The following CSMD1 variants were observed in gnomAD, a reference collection of about 807,000 sequenced individuals.
CSMD1 encodes CUB and sushi domain-containing protein 1.
A neutral mutation model predicts 417.5 loss-of-function variants in CSMD1; 213 were observed. The ratio of observed to expected loss-of-function variants is 0.51; its 90% confidence interval spans 0.46 to 0.57. The LOEUF (loss-of-function observed/expected upper bound fraction) is 0.57, where lower values mean the gene tolerates loss of function less well. CSMD1 is among the 20% of genes least tolerant of loss of function. The probability of loss-of-function intolerance (pLI) is 0.00; values close to 1 mark genes in which losing one functional copy is unlikely to be tolerated. For synonymous variants in CSMD1, 2,862 were observed against 1,736.8 expected, an observed-to-expected ratio of 1.65 and a Z score of -16.11; for missense variants, 6,923 against 4,529.7, an observed-to-expected ratio of 1.53 and a Z score of -15.17.
At position 4,168,151 on chromosome 8, in the gene CSMD1, ACAC is replaced by A. The variant is rs1300194520; in HGVS notation, c.416-136055_416-136053del. ...CTCAAAAATAAAAAAAAATATACACACACACACACACACACACACACACACATA... is the reference window on the plus strand; with the variant it reads ...CTCAAAAATAAAAAAAAATATACACAACACACACACACACACACACACATA... On this transcript the variant is annotated intron_variant, in intron 3 of 69. Coordinates refer to ENST00000635120, the MANE Select transcript of CSMD1 (RefSeq NM_033225.6). Among the ~76,000 whole-genome samples the A allele has an allele frequency of 3.5e-3, 10 of 2,842 alleles. No homozygotes were observed. The Non-Finnish European group carries it at 0.056, about 16-fold the overall frequency. 1.9% of individuals were successfully genotyped at this position (2,842 alleles called of 152,430 possible).
chr8:4,620,792 A>G (rs1585342809), intron 2 of CSMD1, among the ~76,000 whole-genome samples: 1 of 151,940 alleles, frequency 6.6e-6, no homozygotes, highest in East Asian at 1.9e-4. Context: ...TATTTATAAA[A>G]AAGAGAGAGC....
chr8:4,456,670 T>G (rs1799507447), intron 2 of CSMD1, among the ~76,000 whole-genome samples: 2 of 152,256 alleles, frequency 1.3e-5, no homozygotes, highest in South Asian at 2.1e-4. Context: ...ACCAATCATC[T>G]GATCTGATGG....
chr8:4,584,243 T>A (rs1799589296), intron 2 of CSMD1, among the ~76,000 whole-genome samples: 1 of 151,878 alleles, frequency 6.6e-6, no homozygotes, highest in Non-Finnish European at 1.5e-5. Flanking sequence ...CCGGACACAT[T>A]TTGGCGACCA....
At chr8:4,477,935 G>T (rs1481561169) in intron 2 of CSMD1, among the ~76,000 whole-genome samples, 1 of 152,212 alleles carries the variant, frequency 6.6e-6, no homozygotes, top group Non-Finnish European at 1.5e-5. Context: ...CCTGGCGCAT[G>T]ATAGCTATGC....
At chr8:3,045,232 T>C (rs1811357266) in intron 50 of CSMD1, among the ~76,000 whole-genome samples, 1 of 152,228 alleles carries the variant, frequency 6.6e-6, no homozygotes, top group Non-Finnish European at 1.5e-5. Context: ...ATATCATAGT[T>C]GGTATCAAAA....
chr8:3,654,316 T>C lies in CSMD1; in HGVS notation c.1010-37519A>G, dbSNP rs1326306073. The stretch of plus-strand genomic sequence containing the variant: ...AAATACAAAGATTTATAAAATTATG[T>C]AATAATTCATACTAGAGTTTGAAAA... On this transcript the variant is annotated intron_variant, in intron 7 of 69. Transcript: ENST00000635120. Among the ~76,000 whole-genome samples, 5 of 152,196 alleles carry C rather than the reference T, an allele frequency of 3.3e-5. No homozygotes were observed. In the East Asian group the frequency reaches 9.6e-4, roughly 29 times the overall value.
At chr8:4,683,258 A>C (rs375177980) in intron 1 of CSMD1, among the ~76,000 whole-genome samples, 82 of 152,192 alleles carry the variant, frequency 5.4e-4, no homozygotes, top group African/African-American at 1.9e-3. Context: ...TTTCAGAAAG[A>C]TATGTTAAAA....
At chr8:3,834,673 T>G (rs1357912852) in intron 5 of CSMD1, among the ~76,000 whole-genome samples, 1 of 152,100 alleles carries the variant, frequency 6.6e-6, no homozygotes, top group Non-Finnish European at 1.5e-5. Context: ...GGTTTAGGGA[T>G]CCACAGAACG....
chr8:4,922,425 G>C (rs868121080), intron 1 of CSMD1, among the ~76,000 whole-genome samples: 21 of 152,010 alleles, frequency 1.4e-4, no homozygotes, highest in Non-Finnish European at 2.2e-4. Flanking sequence ...GAAATTAAAG[G>C]TCAAATGATA....
intron 3 of CSMD1, among the ~76,000 whole-genome samples, chr8:4,246,928 A>G (rs755601610): frequency 2.0e-5 from 3 of 152,228 alleles, no homozygotes; most frequent in Non-Finnish European, 4.4e-5. Flanking sequence ...TCTTTGTAAG[A>G]GAGAATGTAG....
intron 1 of CSMD1, among the ~76,000 whole-genome samples, chr8:4,894,970 C>T (rs182746142): frequency 6.6e-6 from 1 of 152,300 alleles, no homozygotes; most frequent in Non-Finnish European, 1.5e-5. Context: ...CAGGGCTCAG[C>T]TTCCACTTTT....
At chr8:4,109,938 G>A (rs1413015314) in intron 3 of CSMD1, among the ~76,000 whole-genome samples, 1 of 152,102 alleles carries the variant, frequency 6.6e-6, no homozygotes, top group South Asian at 2.1e-4. Flanking sequence ...ATAAGATCAT[G>A]ACAATTTGGT....
chr8:4,267,423 C>T (rs1244331059), intron 3 of CSMD1, among the ~76,000 whole-genome samples: 1 of 146,648 alleles, frequency 6.8e-6, no homozygotes, highest in African/African-American at 2.4e-5. Context: ...AAATGATAAG[C>T]TTCTACAGCA....
At chr8:4,047,481 TG>T (rs1445870099) in intron 3 of CSMD1, among the ~76,000 whole-genome samples, 1 of 152,130 alleles carries the variant, frequency 6.6e-6, no homozygotes, top group African/African-American at 2.4e-5. Context: ...CTCAGATTAG[TG>T]GTAGCGTAAA....
intron 12 of CSMD1, 31 bp from the exon 13 acceptor site, chr8:3,409,636 A>G: frequency 2.7e-6 from 4 of 1,505,822 alleles, no homozygotes; most frequent in African/African-American, 1.4e-5. Flanking sequence ...GAACCCTTAA[A>G]AAAACACACA....
intron 4 of CSMD1, among the ~76,000 whole-genome samples, chr8:4,007,789 GACAAAATATATTTA>G (rs1816242011): frequency 6.6e-6 from 1 of 151,914 alleles, no homozygotes; most frequent in Admixed American, 6.6e-5. Context: ...TTGGGACTAT[GACAAAATATATTTA>G]GGGGGCTATG....
intron 1 of CSMD1, among the ~76,000 whole-genome samples, chr8:4,744,432 T>C (rs1691795737): frequency 6.6e-6 from 1 of 152,144 alleles, no homozygotes; most frequent in Non-Finnish European, 1.5e-5. Context: ...AGCTTCCCAA[T>C]CCTGGGTCTG....
At chr8:3,375,486 A>C (rs187922249) in intron 18 of CSMD1, among the ~76,000 whole-genome samples, 1 of 152,238 alleles carries the variant, frequency 6.6e-6, no homozygotes, top group Admixed American at 6.5e-5. Flanking sequence ...CCACTTCAAT[A>C]ATATTCATAG....
intron 10 of CSMD1, among the ~76,000 whole-genome samples, chr8:3,496,094 T>C (rs1796352834): frequency 6.6e-6 from 1 of 152,164 alleles, no homozygotes; most frequent in Non-Finnish European, 1.5e-5. Context: ...ATGTGTGTTG[T>C]TCCTCTCCCT....
Sources: gnomAD v4.1 joint callset for allele counts (sites outside exome capture counted in the v4.1 genomes callset) on GRCh38, gnomAD v4.1.1 for gene constraint, MANE v1.5 for transcripts, NCBI Gene and HGNC (gene_info 2026-07-23, HGNC 2026-07-21) for gene names.